Variants in ALCAM observed in about 807,000 individuals in gnomAD.
The protein encoded by ALCAM is CD166 antigen.
A neutral mutation model predicts 70.9 loss-of-function variants in ALCAM; 30 were observed. That is an observed-to-expected ratio of 0.42 (90% CI 0.32 to 0.57). ALCAM has a LOEUF of 0.57. ALCAM is among the 20% of genes least tolerant of loss of function. ALCAM has a pLI of 0.11. For missense variants in ALCAM, 591 were observed against 695.1 expected, an observed-to-expected ratio of 0.85 and a Z score of 1.68; for synonymous variants, 249 against 242.5, an observed-to-expected ratio of 1.03 and a Z score of -0.25.
At chr3:105,417,707 T>C (rs1381135085) in intron 1 of ALCAM, among the ~76,000 whole-genome samples, 1 of 151,554 alleles carries the variant, frequency 6.6e-6, no homozygotes, top group East Asian at 1.9e-4. Context: ...ATAGAATATA[T>C]TTTCTATAAA....
At chr3:105,537,744 T>C (rs981118694) in intron 6 of ALCAM, among the ~76,000 whole-genome samples, 4 of 152,156 alleles carry the variant, frequency 2.6e-5, no homozygotes, top group Non-Finnish European at 2.9e-5. Flanking sequence ...TTGTGTCATA[T>C]GCAGGTTTTA....
intron 1 of ALCAM, among the ~76,000 whole-genome samples, chr3:105,478,704 C>T (rs1938188075): frequency 6.6e-6 from 1 of 151,964 alleles, no homozygotes; most frequent in South Asian, 2.1e-4. Context: ...CTAGTCATTA[C>T]TAAAGGTAAA....
intron 1 of ALCAM, among the ~76,000 whole-genome samples, chr3:105,478,452 C>G (rs1280665273): frequency 6.6e-6 from 1 of 152,114 alleles, no homozygotes; most frequent in East Asian, 1.9e-4. Context: ...CAGCCCCTCT[C>G]AAGTCAGAAA....
chr3:105,411,536 C>T (rs1936391474), intron 1 of ALCAM, among the ~76,000 whole-genome samples: 1 of 152,066 alleles, frequency 6.6e-6, no homozygotes, highest in African/African-American at 2.4e-5. Context: ...ATGTGGCAGG[C>T]ACTGTTCTAA....
chr3:105,428,038 T>G (rs1337018245), intron 1 of ALCAM, among the ~76,000 whole-genome samples: 1 of 152,010 alleles, frequency 6.6e-6, no homozygotes, highest in Non-Finnish European at 1.5e-5. Flanking sequence ...AATTTATTTT[T>G]TAATTATTCA....
intron 1 of ALCAM, among the ~76,000 whole-genome samples, chr3:105,394,207 A>G (rs1935892750): frequency 6.6e-6 from 1 of 151,964 alleles, no homozygotes; most frequent in Non-Finnish European, 1.5e-5. Context: ...AAAATAATTT[A>G]AAGTAATCGG....
Position 105,426,182 on chromosome 3 carries a change from T to C in ALCAM, c.73+58701T>C, listed in dbSNP as rs569278679. Among the ~76,000 whole-genome samples, 17 of 151,998 alleles carry C rather than the reference T, an allele frequency of 1.1e-4. No individual in the cohort carries two copies. The East Asian group carries it at 3.3e-3, about 30-fold the overall frequency. On this transcript the variant is annotated intron_variant, in intron 1 of 15. Coordinates refer to ENST00000306107, the MANE Select transcript of ALCAM (RefSeq NM_001627.4). Reference sequence around the variant, plus strand: ...GACCTAGGACAAGTCATCTAAGCTCTCTGGGCCTTAGTGTTCTAACTGGTA... The same window carrying C: ...GACCTAGGACAAGTCATCTAAGCTCCCTGGGCCTTAGTGTTCTAACTGGTA...
intron 1 of ALCAM, among the ~76,000 whole-genome samples, chr3:105,442,876 G>A (rs997915511): frequency 4.6e-5 from 7 of 151,966 alleles, no homozygotes; most frequent in African/African-American, 9.7e-5. Flanking sequence ...CTTCTGTTGC[G>A]CATGGTGAAG....
chr3:105,567,363 C>T (rs1305942967), intron 14 of ALCAM, among the ~76,000 whole-genome samples: 1 of 152,010 alleles, frequency 6.6e-6, no homozygotes, highest in Non-Finnish European at 1.5e-5. Context: ...TGTTTGACTT[C>T]AAATACATGT....
At chr3:105,391,757 G>A (rs528272632) in intron 1 of ALCAM, among the ~76,000 whole-genome samples, 1 of 151,784 alleles carries the variant, frequency 6.6e-6, no homozygotes, top group East Asian at 1.9e-4. Context: ...TTTGAAGTAT[G>A]TTCCTTCAAT....
At chr3:105,403,887 A>G (rs1314033493) in intron 1 of ALCAM, among the ~76,000 whole-genome samples, 1 of 151,682 alleles carries the variant, frequency 6.6e-6, no homozygotes. Context: ...TAGCATAAAT[A>G]AAAAACAATC....
chr3:105,465,038 A>G (rs1354002441), intron 1 of ALCAM, among the ~76,000 whole-genome samples: 1 of 151,480 alleles, frequency 6.6e-6, no homozygotes, highest in African/African-American at 2.4e-5. Context: ...AATATGGTAT[A>G]TACTTAGATA....
At chr3:105,540,278 T>C (rs1052370180) in intron 7 of ALCAM, among the ~76,000 whole-genome samples, 176 bp downstream of exon 7, 3 of 144,180 alleles carry the variant, frequency 2.1e-5, no homozygotes, top group Non-Finnish European at 4.5e-5. Context: ...TTTTTCTCAA[T>C]GCTGAGAGAT....
intron 1 of ALCAM, among the ~76,000 whole-genome samples, chr3:105,426,899 G>A (rs1327749873): frequency 1.3e-5 from 2 of 151,542 alleles, no homozygotes; most frequent in East Asian, 3.9e-4. Flanking sequence ...TTTTATTATT[G>A]ATTAAATAAA....
At chr3:105,498,373 A>G (rs1436578444) in intron 1 of ALCAM, among the ~76,000 whole-genome samples, 1 of 152,110 alleles carries the variant, frequency 6.6e-6, no homozygotes, top group Admixed American at 6.5e-5. Flanking sequence ...TCTAAAAAGT[A>G]AATGTGTGAA....
chr3:105,459,190 T>G (rs979991657), intron 1 of ALCAM, among the ~76,000 whole-genome samples: 7 of 152,150 alleles, frequency 4.6e-5, no homozygotes, highest in Non-Finnish European at 7.4e-5. Context: ...TTCCAATTGT[T>G]TGCATATTCT....
chr3:105,569,411 TTAG>T (rs375669414), intron 14 of ALCAM, among the ~76,000 whole-genome samples: 1 of 152,118 alleles, frequency 6.6e-6, no homozygotes, highest in African/African-American at 2.4e-5. Context: ...GGATATATAG[TTAG>T]TAGCTATTAG....
At position 105,540,023 on chromosome 3, in the gene ALCAM, T is replaced by C. The variant is rs764096895; in HGVS notation, c.779T>C (p.Ile260Thr). The change falls in exon 7 of 16, where the codon ATC becomes ACC. Residue 260 changes from isoleucine to threonine, a missense_variant. Physicochemically the swap from Ile to Thr is moderately conservative, Grantham distance 89 (BLOSUM62 -1). Around this residue, in one of 2 missense-constraint regions of ALCAM, gnomAD observed 427 missense variants for 450.4 expected, o/e 0.95. Transcript: ENST00000306107. Reference protein sequence around the residue: ...TIQVLPPKNAIKEGDNITLKC... With the variant: ...TIQVLPPKNATKEGDNITLKC... ...CAAGTGCTGCCACCAAAAAATGCCA[T>C]CAAAGAAGGGGATAACATCACTCTT... 1 of 1,612,544 alleles carries C rather than the reference T, an allele frequency of 6.2e-7. No homozygotes were observed. The highest frequency in any genetic ancestry group is 1.1e-5 in the South Asian group (1 of 91,028).
chr3:105,558,331 A>G (rs1576241162), intron 14 of ALCAM, among the ~76,000 whole-genome samples: 1 of 152,314 alleles, frequency 6.6e-6, no homozygotes, highest in South Asian at 2.1e-4. Context: ...TGGAAAACCT[A>G]AAATCTCATG....
Sources: gnomAD v4.1 joint callset for allele counts (sites outside exome capture counted in the v4.1 genomes callset) on GRCh38, gnomAD v4.1.1 for gene constraint, gnomAD v4.1.1 regional missense constraint, MANE v1.5 for transcripts, NCBI Gene and HGNC (gene_info 2026-07-23, HGNC 2026-07-21) for gene names.